Variants in PRKD3 observed in about 807,000 individuals in gnomAD.
PRKD3 encodes the protein protein kinase D3, also known as serine/threonine-protein kinase D3.
PRKD3 carries 47 observed loss-of-function variants against 99.2 expected under a neutral mutation model. The ratio of observed to expected loss-of-function variants is 0.47; its 90% CI spans 0.38 to 0.60. PRKD3 has a LOEUF of 0.60. Ranked by LOEUF, PRKD3 falls within the 20% of genes least tolerant of loss-of-function variation. PRKD3 has a pLI of 0.00. For synonymous variants in PRKD3, 392 were observed against 355.4 expected (o/e 1.10, Z -1.16); for missense variants, 1,019 against 1,088.4 (o/e 0.94, Z 0.90).
At position 37,279,788 on chromosome 2, in the gene PRKD3, T is replaced by A. The variant is rs530208506; in HGVS notation, c.1130A>T (p.Asp377Val). 1 of 1,613,896 alleles carries A rather than the reference T, an allele frequency of 6.2e-7. No homozygotes were observed. The highest frequency in any genetic ancestry group is 1.1e-5 in the South Asian group (1 of 91,032). ...EDKMFFLDPS[D>V]LDVERDEEAV... ...TTCTTCATCTCTTTCCACATCGAGA[T>A]CAGATGGATCCAAGAAGAACATCTT... Residue 377 changes from aspartate to valine, a missense_variant, in exon 8 of 19, where the codon GAT (aspartate) becomes GTT (valine). Physicochemically the swap from Asp to Val is radical, Grantham distance 152. Coordinates refer to ENST00000234179, the MANE Select transcript of PRKD3 (RefSeq NM_005813.6).
chr2:37,290,944 A>C lies in PRKD3; in HGVS notation c.483T>G (p.Ser161=). 2 of 1,607,012 alleles carry C rather than the reference A, an allele frequency of 1.2e-6. No individual in the cohort carries two copies. The highest frequency in any genetic ancestry group is 1.7e-6 in the Non-Finnish European group (2 of 1,173,448). Residue 161 remains serine, a synonymous_variant, in exon 4 of 19, where the codon TCT becomes TCG. Coordinates refer to ENST00000234179, the MANE Select transcript of PRKD3 (RefSeq NM_005813.6). ...AATCACAGAAAGTAGGAGCTTTGTA[A>C]GAATGTACATAGAGAGTATGTGGAC... ...QIRPHTLYVH[S]YKAPTFCDYC...
At chr2:37,304,820 C>A (rs1011153249) in intron 2 of PRKD3, among the ~76,000 whole-genome samples, 5 of 150,860 alleles carry the variant, frequency 3.3e-5, no homozygotes, top group Non-Finnish European at 2.9e-5. Context: ...CTTTCTGATA[C>A]CAACCAAAGC....
rs1667453683 is a variant in PRKD3 at position 37,251,115 on chromosome 2, T to C, written c.*2062A>G. 1 of 152,634 alleles carries C rather than the reference T, an allele frequency of 6.6e-6. No individual in the cohort carries two copies. Among genetic ancestry groups the C allele is most frequent in the Admixed American group, 6.5e-5 (1 of 15,284 alleles). The allele number at this position is 152,634 out of a possible 1,614,324, so 9.5% of individuals were successfully genotyped here. A position where few individuals can be genotyped will look rare whatever the true frequency, so the allele number is the denominator to read the frequency against. On this transcript the variant is annotated 3_prime_UTR_variant, in exon 19 of 19. Coordinates refer to ENST00000234179, the MANE Select transcript of PRKD3 (RefSeq NM_005813.6). ...TTGATTGCCTAGTGACTCAGAATTA[T>C]TCCATTTTGTGTGTGTTGATATAAA...
At chr2:37,318,995 A>G (rs1235385565) in intron 1 of PRKD3, among the ~76,000 whole-genome samples, 2 of 152,232 alleles carry the variant, frequency 1.3e-5, no homozygotes. Context: ...ATCTTGGAAA[A>G]TAATGATTAT....
chr2:37,284,256 GAATTAT>G (rs1161929753), intron 6 of PRKD3, among the ~76,000 whole-genome samples: 1 of 151,982 alleles, frequency 6.6e-6, no homozygotes, highest in African/African-American at 2.4e-5. Context: ...GGAAATCACT[GAATTAT>G]AATTATTTTA....
Position 37,316,527 on chromosome 2 carries a change from G to C in PRKD3, c.-3C>G. The C allele has an allele frequency of 6.2e-7, 1 of 1,609,540 alleles. No homozygotes were observed. The highest frequency in any genetic ancestry group is 8.5e-7 in the Non-Finnish European group (1 of 1,177,948). The stretch of plus-strand genomic sequence containing the variant: ...GGAGGGGAATTATTTGCAGACATCT[G>C]CCTTTCTTTAATCTTTTAAAATAGT... On this transcript the variant is annotated 5_prime_UTR_variant, in exon 2 of 19. Coordinates refer to ENST00000234179, the MANE Select transcript of PRKD3 (RefSeq NM_005813.6).
intron 2 of PRKD3, among the ~76,000 whole-genome samples, chr2:37,308,937 TA>T (rs2124887150): frequency 6.6e-6 from 1 of 152,274 alleles, no homozygotes; most frequent in East Asian, 1.9e-4. Context: ...TCAGTTATTG[TA>T]GGTTTTTCTT....
At chr2:37,297,645 A>G (rs913924926) in intron 2 of PRKD3, among the ~76,000 whole-genome samples, 8 of 152,114 alleles carry the variant, frequency 5.3e-5, no homozygotes. Flanking sequence ...ACTTTGCTGG[A>G]TTTTAACAAT....
At chr2:37,267,346 T>TTAA in intron 14 of PRKD3, 84 bp downstream of exon 14, 1 of 784,480 alleles carries the variant, frequency 1.3e-6, no homozygotes, top group African/African-American at 1.9e-5. Context: ...TTTGCCTTCT[T>TTAA]AAAAAAAAAA....
At chr2:37,293,355 A>C in intron 2 of PRKD3, 84 bp from the exon 3 acceptor site, 1 of 1,326,052 alleles carries the variant, frequency 7.5e-7, no homozygotes, top group Non-Finnish European at 1.0e-6. Flanking sequence ...AAGAATTTAA[A>C]ACATAGTGTT....
intron 7 of PRKD3, among the ~76,000 whole-genome samples, chr2:37,281,629 T>C (rs1439413983): frequency 1.3e-5 from 2 of 152,136 alleles, no homozygotes; most frequent in East Asian, 3.9e-4. Context: ...CTTCCCAGTC[T>C]CCAGAACTAT....
At chr2:37,306,032 T>C (rs2268987) in intron 2 of PRKD3, among the ~76,000 whole-genome samples, 32,419 of 151,580 alleles carry the variant, frequency 0.21, 4,353 homozygotes, top group East Asian at 0.55. Context: ...AACTCTGCTA[T>C]GGCATAATAT....
At chr2:37,294,468 T>C (rs1032448240) in intron 2 of PRKD3, among the ~76,000 whole-genome samples, 8 of 152,194 alleles carry the variant, frequency 5.3e-5, no homozygotes, top group Admixed American at 3.3e-4. Flanking sequence ...TACAAGTTTA[T>C]AGTTTTTGTA....
At chr2:37,285,444 G>A (rs1310657406) in intron 6 of PRKD3, among the ~76,000 whole-genome samples, 2 of 151,990 alleles carry the variant, frequency 1.3e-5, no homozygotes, top group Non-Finnish European at 2.9e-5. Context: ...AATTTTAGTA[G>A]CTTTTATTAC....
At chr2:37,291,021 C>T (rs774397212) in intron 3 of PRKD3, 22 bp from the exon 4 acceptor site, 2 of 1,585,758 alleles carry the variant, frequency 1.3e-6, no homozygotes, top group Admixed American at 1.8e-5. Flanking sequence ...AAAAGTATTA[C>T]AATACACGTT....
At chr2:37,310,646 T>C (rs1214116758) in intron 2 of PRKD3, among the ~76,000 whole-genome samples, 1 of 152,186 alleles carries the variant, frequency 6.6e-6, no homozygotes, top group Non-Finnish European at 1.5e-5. Flanking sequence ...ACAATTACAA[T>C]GAGCATTATG....
rs1667610687 is a variant in PRKD3 at position 37,252,841 on chromosome 2, T to TTTTATATA, written c.*335_*336insTATATAAA. ...ATTAAAAAAACAAACAAACATATAT[T>TTTTATATA]TATATTTATATATATATATATAAAG... On this transcript the variant is annotated 3_prime_UTR_variant, in exon 19 of 19. Transcript: ENST00000234179. 1.2e-4 allele frequency: 10 copies of TTTTATATA among 80,520 alleles called. No individual in the cohort carries two copies. The highest frequency in any genetic ancestry group is 4.0e-4 in the African/African-American group (10 of 24,892). The allele number at this position is 80,520 out of a possible 1,614,324, so 5.0% of individuals were successfully genotyped here.
intron 1 of PRKD3, among the ~76,000 whole-genome samples, chr2:37,323,238 G>A (rs1457169895): frequency 6.8e-6 from 1 of 147,982 alleles, no homozygotes; most frequent in Non-Finnish European, 1.5e-5. Flanking sequence ...TAAAAAATTA[G>A]TTTTAAGATA....
Position 37,275,776 on chromosome 2 carries a change from C to G in PRKD3, c.1365G>C (p.Lys455Asn). The G allele has an allele frequency of 6.2e-7, 1 of 1,608,228 alleles. No individual in the cohort carries two copies. Among genetic ancestry groups the G allele is most frequent in the Non-Finnish European group, 8.5e-7 (1 of 1,177,504 alleles). Reference sequence around the variant, plus strand: ...AGTGTAAAATCCTTACCTTATAATACTTTGATCCAGATTCATTCTGAAATA... The same window carrying G: ...AGTGTAAAATCCTTACCTTATAATAGTTTGATCCAGATTCATTCTGAAATA... ...LTLFQNESGS[K>N]YYKEIPLSEI... Residue 455 changes from lysine to asparagine, a missense_variant, in exon 10 of 19, where the codon AAG becomes AAC. This residue lies in a region of PRKD3 where 710 missense variants were observed against 692.7 expected (regional missense o/e 1.02). Transcript: ENST00000234179.
Sources: allele counts gnomAD v4.1 joint callset (sites outside exome capture counted in the v4.1 genomes callset), GRCh38; gene constraint gnomAD v4.1.1; regional missense constraint gnomAD v4.1.1; transcripts MANE v1.5; gene names NCBI Gene and HGNC (gene_info 2026-07-23, HGNC 2026-07-21).